ASIC2: variants seen among roughly 807,000 people sequenced by gnomAD.
ASIC2 encodes acid-sensing ion channel 2.
Under a neutral mutation model 57.3 loss-of-function variants are expected in ASIC2, and 25 were observed. The ratio of observed to expected loss-of-function variants is 0.44; its 90% CI spans 0.32 to 0.61. The LOEUF is 0.61. Ranked by LOEUF, ASIC2 falls within the 20% of genes least tolerant of loss-of-function variation. The pLI is 0.06. For synonymous variants in ASIC2, 319 were observed against 307.5 expected (o/e 1.04, Z -0.39); for missense variants, 641 against 738.1 (o/e 0.87, Z 1.52).
intron 1 of ASIC2, among the ~76,000 whole-genome samples, chr17:33,543,777 T>A (rs375739633): frequency 1.3e-5 from 2 of 152,226 alleles, no homozygotes; most frequent in East Asian, 3.9e-4. Context: ...TTCAGAGAGG[T>A]TAAGGAAGCT....
Position 33,541,546 on chromosome 17 carries a change from C to T in ASIC2, c.556-429479G>A, listed in dbSNP as rs139100656. Reference sequence around the variant, plus strand: ...AGGGAGGAGCAGGGACTCACCTGAGCCCAGGAATAGGGAGGCTCAACGGAA... The same window carrying T: ...AGGGAGGAGCAGGGACTCACCTGAGTCCAGGAATAGGGAGGCTCAACGGAA... On this transcript the variant is annotated intron_variant, in intron 1 of 9. Coordinates refer to the ASIC2 transcript ENST00000359872. 3.6e-3 allele frequency among the ~76,000 whole-genome samples: 550 copies of T among 152,230 alleles called. 6 individuals are homozygous for T. Among genetic ancestry groups the T allele is most frequent in the African/African-American group, 0.013 (527 of 41,524 alleles).
At chr17:33,265,723 C>G (rs1325857338) in intron 1 of ASIC2, among the ~76,000 whole-genome samples, 1 of 152,072 alleles carries the variant, frequency 6.6e-6, no homozygotes, top group Non-Finnish European at 1.5e-5. Flanking sequence ...CCTAGAAAGC[C>G]TTCTTGGATT....
intron 1 of ASIC2, among the ~76,000 whole-genome samples, chr17:33,749,961 C>T (rs1173773381): frequency 1.3e-5 from 2 of 152,176 alleles, no homozygotes; most frequent in African/African-American, 2.4e-5. Flanking sequence ...CCATCTTCTG[C>T]CAGGCGGGAC....
At chr17:33,938,608 C>T (rs753655700) in intron 1 of ASIC2, among the ~76,000 whole-genome samples, 7 of 152,190 alleles carry the variant, frequency 4.6e-5, no homozygotes, top group African/African-American at 9.7e-5. Flanking sequence ...AAATGGAAGA[C>T]TTAGAGATGG....
chr17:33,970,113 C>A (rs1905185590), intron 1 of ASIC2, among the ~76,000 whole-genome samples: 2 of 152,060 alleles, frequency 1.3e-5, no homozygotes, highest in Non-Finnish European at 2.9e-5. Context: ...CTCATTAATT[C>A]TTTGTTGTAG....
chr17:33,715,734 C>T (rs868667168), intron 1 of ASIC2, among the ~76,000 whole-genome samples: 1 of 152,182 alleles, frequency 6.6e-6, no homozygotes, highest in Non-Finnish European at 1.5e-5. Context: ...TCTTTTCCAT[C>T]TCTTTCAGCA....
At chr17:33,902,586 G>A (rs1477132820) in intron 1 of ASIC2, among the ~76,000 whole-genome samples, 2 of 152,190 alleles carry the variant, frequency 1.3e-5, no homozygotes, top group Non-Finnish European at 2.9e-5. Context: ...CCAGACATGA[G>A]CATTCCATGC....
chr17:33,974,205 C>A (rs1905303770), intron 1 of ASIC2, among the ~76,000 whole-genome samples: 2 of 152,142 alleles, frequency 1.3e-5, no homozygotes, highest in Non-Finnish European at 2.9e-5. Flanking sequence ...AGGAGCCCTG[C>A]AGTCTATTAC....
intron 1 of ASIC2, among the ~76,000 whole-genome samples, chr17:33,258,881 A>G (rs2142141777): frequency 6.6e-6 from 1 of 152,338 alleles, no homozygotes; most frequent in Admixed American, 6.5e-5. Context: ...TGCTATGAAC[A>G]TGCACAGTGG....
chr17:33,220,333 G>T (rs1047153253), intron 1 of ASIC2, among the ~76,000 whole-genome samples: 1 of 152,150 alleles, frequency 6.6e-6, no homozygotes, highest in Non-Finnish European at 1.5e-5. Context: ...TTGCACAGTG[G>T]CCCCTTTTGC....
At chr17:33,854,161 T>C (rs1913851824) in intron 1 of ASIC2, among the ~76,000 whole-genome samples, 1 of 152,214 alleles carries the variant, frequency 6.6e-6, no homozygotes, top group African/African-American at 2.4e-5. Flanking sequence ...GGCACATTTC[T>C]TTGCTAGTTA....
chr17:33,321,964 G>C (rs1374439435), intron 1 of ASIC2, among the ~76,000 whole-genome samples: 2 of 152,204 alleles, frequency 1.3e-5, no homozygotes, highest in Non-Finnish European at 2.9e-5. Flanking sequence ...TCCAGTCTCA[G>C]TCTACCTGAG....
At chr17:33,081,785 T>C (rs2092113996) in intron 3 of ASIC2, among the ~76,000 whole-genome samples, 1 of 152,148 alleles carries the variant, frequency 6.6e-6, no homozygotes, top group Non-Finnish European at 1.5e-5. Flanking sequence ...GGGATACTGT[T>C]TCTTCTTGTG....
At chr17:33,853,969 A>G (rs1050032653) in intron 1 of ASIC2, among the ~76,000 whole-genome samples, 1 of 151,432 alleles carries the variant, frequency 6.6e-6, no homozygotes, top group Admixed American at 6.6e-5. Flanking sequence ...CCATGAGTTT[A>G]TCTCTAAAAA....
At chr17:33,655,922 C>A (rs280047) in intron 1 of ASIC2, among the ~76,000 whole-genome samples, 1 of 151,976 alleles carries the variant, frequency 6.6e-6, no homozygotes, top group Non-Finnish European at 1.5e-5. Context: ...TCAGTGATCT[C>A]ATTCCTGTTT....
intron 1 of ASIC2, among the ~76,000 whole-genome samples, chr17:34,099,500 AAG>A (rs1910736925): frequency 2.1e-5 from 3 of 144,666 alleles, no homozygotes; most frequent in Non-Finnish European, 4.5e-5. Flanking sequence ...AAAAGAAGGA[AAG>A]AGGAAAGAAG....
At chr17:33,023,283 C>T (rs976489433) in intron 6 of ASIC2, among the ~76,000 whole-genome samples, 6 of 152,020 alleles carry the variant, frequency 3.9e-5, no homozygotes, top group African/African-American at 1.2e-4. Context: ...GTCAGGAGAT[C>T]GAGACCATTC....
chr17:33,291,742 C>T lies in ASIC2; in HGVS notation c.374G>A (p.Ser125Asn). 1.2e-6 allele frequency: 2 copies of T among 1,613,314 alleles called. No individual in the cohort carries two copies. Among genetic ancestry groups the T allele is most frequent in the African/African-American group, 1.3e-5 (1 of 75,054 alleles). ...PSHTRVHREW[S>N]RQLPFPAVTV... is the part of the protein sequence containing the mutation. ...GACGGCGGGGAAGGGTAACTGGCGG[C>T]TCCACTCGCGGTGCACCCGCGTGTG... Residue 125 changes from serine (S) to asparagine (N), a missense_variant, in exon 1 of 10, where the codon AGC becomes AAC. By Grantham distance (46) the Ser-to-Asn change is conservative. Coordinates refer to ENST00000225823, the MANE Select transcript of ASIC2 (RefSeq NM_183377.2).
intron 1 of ASIC2, among the ~76,000 whole-genome samples, chr17:33,137,618 AG>A (rs1271015184): frequency 6.6e-6 from 1 of 152,186 alleles, no homozygotes; most frequent in East Asian, 1.9e-4. Flanking sequence ...TTGTTGGTTG[AG>A]AGCTACTCTT....
Sources: allele counts gnomAD v4.1 joint callset (sites outside exome capture counted in the v4.1 genomes callset), GRCh38; gene constraint gnomAD v4.1.1; transcripts MANE v1.5; gene names NCBI Gene and HGNC (gene_info 2026-07-23, HGNC 2026-07-21).